The following RASA3 variants were observed in gnomAD, a reference collection of about 807,000 sequenced individuals.
RASA3 encodes ras GTPase-activating protein 3.
In RASA3, 73 loss-of-function variants were observed where a neutral mutation model predicts 110.0. The observed-to-expected ratio is 0.66, with a 90% CI of 0.55 to 0.81. RASA3 has a LOEUF of 0.81. RASA3 is among the 30% of genes least tolerant of loss of function. The pLI is 0.00. For synonymous variants in RASA3, 500 were observed against 451.4 expected, an observed-to-expected ratio of 1.11 and a Z score of -1.37; for missense variants, 976 against 1,113.2, an observed-to-expected ratio of 0.88 and a Z score of 1.75.
intron 3 of RASA3, among the ~76,000 whole-genome samples, chr13:114,045,919 G>A (rs2139514076): frequency 8.0e-6 from 1 of 125,116 alleles, no homozygotes; most frequent in Admixed American, 8.5e-5. Flanking sequence ...ACACTGATGA[G>A]AGAAATTGGA....
chr13:113,994,372 C>G (rs1032062781), intron 21 of RASA3, among the ~76,000 whole-genome samples: 3 of 152,102 alleles, frequency 2.0e-5, no homozygotes, highest in Non-Finnish European at 4.4e-5. Flanking sequence ...GGTTATAGTT[C>G]TGTGTGAGAA....
intron 3 of RASA3, among the ~76,000 whole-genome samples, chr13:114,042,341 T>G (rs1370997757): frequency 1.3e-5 from 2 of 152,222 alleles, no homozygotes; most frequent in Non-Finnish European, 2.9e-5. Context: ...CACATGCACC[T>G]CTGTTGACCG....
chr13:114,077,949 A>C (rs1422409712), intron 1 of RASA3: 1 of 984,886 alleles, frequency 1.0e-6, no homozygotes, highest in African/African-American at 1.7e-5. Flanking sequence ...ATCACCTCCA[A>C]GGCACTGGTT....
Position 114,051,196 on chromosome 13 carries a change from C to T in RASA3, c.277+856G>A, listed in dbSNP as rs932573011. ...TCTCGCCCTGTCCCACTCAGCATCCCGGCAGCCATGAAGACGAGGAGCCTG... is the reference window on the plus strand; with the variant it reads ...TCTCGCCCTGTCCCACTCAGCATCCTGGCAGCCATGAAGACGAGGAGCCTG... On this transcript the variant is annotated intron_variant, in intron 3 of 23. Coordinates refer to ENST00000334062, the MANE Select transcript of RASA3 (RefSeq NM_007368.4). Among the ~76,000 whole-genome samples the T allele has an allele frequency of 5.3e-5, 8 of 152,298 alleles. No individual in the cohort carries two copies. In the East Asian group the frequency reaches 7.7e-4, roughly 15 times the overall value.
chr13:114,004,709 G>A (rs2053476229), intron 18 of RASA3, among the ~76,000 whole-genome samples: 1 of 152,168 alleles, frequency 6.6e-6, no homozygotes, highest in Non-Finnish European at 1.5e-5. Context: ...TAGCGCTTAA[G>A]GAAACCCACG....
intron 1 of RASA3, among the ~76,000 whole-genome samples, chr13:114,089,836 C>T (rs1412604749): frequency 2.7e-5 from 4 of 149,512 alleles, no homozygotes; most frequent in Non-Finnish European, 4.5e-5. Context: ...CCGGCAACCA[C>T]GAGTCCACTC....
At chr13:114,039,878 T>G (rs1252524849) in intron 4 of RASA3, among the ~76,000 whole-genome samples, 1 of 152,104 alleles carries the variant, frequency 6.6e-6, no homozygotes, top group Non-Finnish European at 1.5e-5. Context: ...CAGCACACAG[T>G]CCCGGCAAGC....
At chr13:114,077,903 T>TGCAAGCCCATTTCCCTGCC (rs1472847138) in intron 1 of RASA3, 11 of 984,170 alleles carry the variant, frequency 1.1e-5, no homozygotes, top group African/African-American at 1.8e-5. Flanking sequence ...GGGGACAAAA[T>TGCAAGCCCATTTCCCTGCC]GCAAGCCCAT....
At chr13:114,043,009 T>TC (rs937728120) in intron 3 of RASA3, among the ~76,000 whole-genome samples, 2 of 152,160 alleles carry the variant, frequency 1.3e-5, no homozygotes, top group African/African-American at 4.8e-5. Flanking sequence ...GGACGCATCT[T>TC]CCCTCAGGAG....
intron 23 of RASA3, among the ~76,000 whole-genome samples, chr13:113,980,465 CCAT>C (rs1192962115): frequency 3.0e-5 from 3 of 99,532 alleles, no homozygotes; most frequent in South Asian, 3.7e-4. Flanking sequence ...GCACCTCCAC[CCAT>C]GTGTGTGCAC....
At chr13:113,981,471 C>T (rs2052931754) in intron 23 of RASA3, among the ~76,000 whole-genome samples, 1 of 152,196 alleles carries the variant, frequency 6.6e-6, no homozygotes. Context: ...AAAGGCAGCA[C>T]CTGCTCTGAA....
chr13:113,993,506 T>C (rs1006380189), intron 21 of RASA3, among the ~76,000 whole-genome samples: 2 of 151,840 alleles, frequency 1.3e-5, no homozygotes, highest in Non-Finnish European at 2.9e-5. Flanking sequence ...TACTTTGTGT[T>C]ATTATGAAAA....
At chr13:114,081,716 G>A (rs899538612) in intron 1 of RASA3, among the ~76,000 whole-genome samples, 21 of 152,166 alleles carry the variant, frequency 1.4e-4, no homozygotes, top group South Asian at 2.1e-4. Context: ...GTTCAAAACC[G>A]AAGTTTCACT....
intron 14 of RASA3, 123 bp from the exon 15 acceptor site, chr13:114,013,371 C>A: frequency 4.7e-6 from 3 of 643,668 alleles, no homozygotes; most frequent in Non-Finnish European, 8.2e-6. Flanking sequence ...CTATCTCCAC[C>A]TGTGTCTGTC....
intron 19 of RASA3, among the ~76,000 whole-genome samples, chr13:114,000,402 G>A (rs1449798049): frequency 6.6e-6 from 1 of 152,172 alleles, no homozygotes; most frequent in Non-Finnish European, 1.5e-5. Context: ...TCTGGGACAT[G>A]AACATGGGAG....
chr13:114,063,240 A>G (rs1294840246), intron 2 of RASA3, among the ~76,000 whole-genome samples: 2 of 152,002 alleles, frequency 1.3e-5, no homozygotes, highest in Admixed American at 1.3e-4. Flanking sequence ...TCTGGAATTA[A>G]CATTCCAGGA....
At chr13:114,061,412 T>C (rs2079346217) in intron 2 of RASA3, among the ~76,000 whole-genome samples, 1 of 151,632 alleles carries the variant, frequency 6.6e-6, no homozygotes, top group Non-Finnish European at 1.5e-5. Context: ...TGATGGGTTA[T>C]GAAACAGGAG....
At chr13:114,020,779 G>C (rs1276592063) in intron 9 of RASA3, among the ~76,000 whole-genome samples, 1 of 152,206 alleles carries the variant, frequency 6.6e-6, no homozygotes, top group African/African-American at 2.4e-5. Context: ...CGACCACTGA[G>C]GTCTAGACGT....
At chr13:114,126,528 C>T (rs1169906177) in intron 1 of RASA3, among the ~76,000 whole-genome samples, 23 of 151,652 alleles carry the variant, frequency 1.5e-4, no homozygotes, top group Non-Finnish European at 3.4e-4. Context: ...AAGTTGAAAG[C>T]CATCCCTCCC....
Sources: gnomAD v4.1 joint callset for allele counts (sites outside exome capture counted in the v4.1 genomes callset) on GRCh38, gnomAD v4.1.1 for gene constraint, MANE v1.5 for transcripts, NCBI Gene and HGNC (gene_info 2026-07-23, HGNC 2026-07-21) for gene names.